The following EZH1 variants were observed in gnomAD, a reference collection of about 807,000 sequenced individuals.
EZH1 encodes enhancer of zeste 1 polycomb repressive complex 2 subunit, also known as histone-lysine N-methyltransferase EZH1.
In EZH1, 33 loss-of-function variants were observed where a neutral mutation model predicts 100.5. The observed-to-expected ratio is 0.33, with a 90% CI of 0.25 to 0.44. EZH1 has a LOEUF of 0.44. Among genes scored for constraint, EZH1 ranks in the 20% least tolerant of loss-of-function variants. The probability of loss-of-function intolerance (pLI) is 1.00; values close to 1 mark genes in which losing one functional copy is unlikely to be tolerated. For synonymous variants in EZH1, 272 were observed against 313.8 expected, an observed-to-expected ratio of 0.87 and a Z score of 1.41; for missense variants, 475 against 928.4, an observed-to-expected ratio of 0.51 and a Z score of 6.35.
intron 1 of EZH1, among the ~76,000 whole-genome samples, chr17:42,735,359 T>C (rs1249056648): frequency 6.7e-6 from 1 of 149,616 alleles, no homozygotes; most frequent in Non-Finnish European, 1.5e-5. Context: ...ACAATTATCA[T>C]ATCAAAGTTA....
chr17:42,727,286 C>CT (rs1384462388), intron 4 of EZH1, among the ~76,000 whole-genome samples: 3 of 152,008 alleles, frequency 2.0e-5, no homozygotes, highest in African/African-American at 7.2e-5. Context: ...AAGGTCTTGT[C>CT]TGTCAACCCA....
intron 1 of EZH1, among the ~76,000 whole-genome samples, chr17:42,736,117 T>C (rs2143871717): frequency 6.6e-6 from 1 of 152,324 alleles, no homozygotes; most frequent in South Asian, 2.1e-4. Context: ...TGAGATACTA[T>C]TAAACACCAC....
intron 15 of EZH1, 147 bp downstream of exon 15, chr17:42,707,811 C>T (rs2053389705): frequency 1.1e-6 from 1 of 952,204 alleles, no homozygotes; most frequent in Non-Finnish European, 1.6e-6. Flanking sequence ...AGATCTCATG[C>T]ACTTATTTCA....
intron 14 of EZH1, 29 bp downstream of exon 14, chr17:42,708,847 C>T: frequency 6.2e-7 from 1 of 1,613,834 alleles, no homozygotes; most frequent in South Asian, 1.1e-5. Flanking sequence ...TCCAGCTGAA[C>T]TGCTGAAGAA....
chr17:42,712,019 C>T (rs762891579), intron 12 of EZH1, among the ~76,000 whole-genome samples: 1 of 152,000 alleles, frequency 6.6e-6, no homozygotes, highest in African/African-American at 2.4e-5. Flanking sequence ...AAAAAAGAAG[C>T]GAAAGAGTGT....
intron 2 of EZH1, among the ~76,000 whole-genome samples, chr17:42,730,495 T>C (rs1255649782): frequency 2.3e-5 from 3 of 128,786 alleles, no homozygotes; most frequent in East Asian, 4.4e-4. Flanking sequence ...TTCTTTTTTT[T>C]TTTTTTTTTT....
intron 6 of EZH1, among the ~76,000 whole-genome samples, chr17:42,721,994 A>G (rs1035862330): frequency 6.6e-6 from 1 of 151,970 alleles, no homozygotes; most frequent in African/African-American, 2.4e-5. Context: ...TACTAAAAAT[A>G]CAAAAAAGTA....
At chr17:42,742,769 C>G (rs1026746940) in intron 1 of EZH1, among the ~76,000 whole-genome samples, 1 of 152,142 alleles carries the variant, frequency 6.6e-6, no homozygotes, top group Non-Finnish European at 1.5e-5. Context: ...GTTTGTGACA[C>G]ACAACAATAA....
At chr17:42,715,818 A>C (rs2053592235) in intron 10 of EZH1, among the ~76,000 whole-genome samples, 1 of 152,212 alleles carries the variant, frequency 6.6e-6, no homozygotes, top group African/African-American at 2.4e-5. Context: ...GAGGCCAGGC[A>C]GTCTGATCAC....
In EZH1 at chr17:42,708,861, C is replaced by G; in HGVS notation, c.1534+15G>C. On this transcript the variant is annotated intron_variant, in intron 14 of 20. Coordinates refer to ENST00000428826, the MANE Select transcript of EZH1 (RefSeq NM_001991.5). ...CTCCAGCTGAACTGCTGAAGAATGC[C>G]CTGGTAGAACTTACCTTTCTTCAGC... 6.2e-7 allele frequency: 1 copy of G among 1,614,024 alleles called. No homozygotes were observed.
chr17:42,726,861 T>A (rs2053831207), intron 4 of EZH1, among the ~76,000 whole-genome samples: 1 of 151,694 alleles, frequency 6.6e-6, no homozygotes, highest in East Asian at 1.9e-4. Flanking sequence ...TATTTATTAT[T>A]TTTTTTGAGA....
intron 4 of EZH1, among the ~76,000 whole-genome samples, chr17:42,724,785 GA>G (rs1054537967): frequency 6.8e-6 from 1 of 147,222 alleles, no homozygotes; most frequent in African/African-American, 2.5e-5. Context: ...AGAAAAAAAA[GA>G]AAAAAAAGAG....
At chr17:42,731,565 G>A (rs920666529) in intron 1 of EZH1, among the ~76,000 whole-genome samples, 2 of 152,034 alleles carry the variant, frequency 1.3e-5, no homozygotes, top group Non-Finnish European at 2.9e-5. Flanking sequence ...GGGTTTCTTA[G>A]ATAACTAGCT....
chr17:42,722,730 G>A (rs967326427), intron 6 of EZH1, 65 bp downstream of exon 6: 4 of 1,532,850 alleles, frequency 2.6e-6, no homozygotes, highest in Admixed American at 1.9e-5. Flanking sequence ...ATGGCAAGAT[G>A]ATGAGGTACC....
At position 42,700,696 on chromosome 17, in the gene EZH1, C is replaced by T. The variant is rs2053223609; in HGVS notation, c.*1836G>A. 6.6e-6 allele frequency: 1 copy of T among 152,418 alleles called. No individual in the cohort carries two copies. Among genetic ancestry groups the T allele is most frequent in the Non-Finnish European group, 1.5e-5 (1 of 68,082 alleles). 9.4% of individuals were successfully genotyped at this position (152,418 alleles called of 1,614,324 possible). ...GAGTAATTTGGAACCCACAGTCCAG[C>T]TTGAGGGTATCCCTGATATGCACAA... On this transcript the variant is annotated 3_prime_UTR_variant, in exon 21 of 21. Transcript: ENST00000428826.
rs1664044018 is a variant in EZH1, at chr17:42,729,060, T to TA, written c.-11-109dup. On this transcript the variant is annotated intron_variant, in intron 2 of 20. Coordinates refer to ENST00000428826, the MANE Select transcript of EZH1 (RefSeq NM_001991.5). ...ATTATGCTTTCATTCCCATTAAATTTACTCATAAAAACACACATTTAAAGA... is the reference window on the plus strand; with the variant it reads ...ATTATGCTTTCATTCCCATTAAATTTAACTCATAAAAACACACATTTAAAGA... The TA allele has an allele frequency of 2.5e-6, 3 of 1,208,590 alleles. No individual in the cohort carries two copies. The African/African-American group carries it at 4.6e-5, about 19-fold the overall frequency. 74.9% of individuals were successfully genotyped at this position (1,208,590 alleles called of 1,614,324 possible).
rs1298325026 is a variant in EZH1, at chr17:42,724,519, T to C, written c.247-95A>G. 6.2e-6 allele frequency: 9 copies of C among 1,452,862 alleles called. No homozygotes were observed. In the African/African-American group the frequency reaches 1.1e-4, roughly 18 times the overall value. 90.0% of individuals were successfully genotyped at this position (1,452,862 alleles called of 1,614,324 possible). ...TCCAAAATTGGCTGGGCATAGTGGCTCATGCCAGTAATCCCAGCACTTTGG... is the reference window on the plus strand; with the variant it reads ...TCCAAAATTGGCTGGGCATAGTGGCCCATGCCAGTAATCCCAGCACTTTGG... On this transcript the variant is annotated intron_variant, in intron 4 of 20. Coordinates refer to ENST00000428826, the MANE Select transcript of EZH1 (RefSeq NM_001991.5).
intron 6 of EZH1, among the ~76,000 whole-genome samples, chr17:42,722,495 G>A (rs2053730003): frequency 6.6e-6 from 1 of 150,792 alleles, no homozygotes; most frequent in Non-Finnish European, 1.5e-5. Context: ...CATGGTGGCA[G>A]ACACCTGTAG....
chr17:42,743,239 C>T (rs1015498928), intron 1 of EZH1, among the ~76,000 whole-genome samples: 17 of 148,058 alleles, frequency 1.1e-4, no homozygotes, highest in Admixed American at 4.8e-4. Flanking sequence ...GGTGCAATCT[C>T]GGCTCACTGC....
Sources: gnomAD v4.1 joint callset for allele counts (sites outside exome capture counted in the v4.1 genomes callset) on GRCh38, gnomAD v4.1.1 for gene constraint, MANE v1.5 for transcripts, NCBI Gene and HGNC (gene_info 2026-07-23, HGNC 2026-07-21) for gene names.